FGD2: variants seen among roughly 807,000 people sequenced by gnomAD.
FGD2 encodes FYVE, RhoGEF and PH domain containing 2.
FGD2 carries 52 observed loss-of-function variants against 75.9 expected under a neutral mutation model. The ratio of observed to expected loss-of-function variants is 0.69; its 90% CI spans 0.55 to 0.86. FGD2 has a LOEUF of 0.86. Ranked by LOEUF, FGD2 falls within the 40% of genes least tolerant of loss-of-function variation. The probability of loss-of-function intolerance (pLI) is 0.00; values close to 1 mark genes in which losing one functional copy is unlikely to be tolerated. For synonymous variants in FGD2, 347 were observed against 348.6 expected (o/e 1.00, Z 0.05); for missense variants, 790 against 872.0 (o/e 0.91, Z 1.18).
Position 37,011,798 on chromosome 6 carries a change from C to G in FGD2, c.471C>G (p.Ile157Met). The G allele has an allele frequency of 6.2e-7, 1 of 1,614,194 alleles. No homozygotes were observed. The highest frequency in any genetic ancestry group is 8.5e-7 in the Non-Finnish European group (1 of 1,180,018). Residue 157 changes from isoleucine to methionine, a missense_variant, in exon 4 of 16, where the codon ATC (isoleucine) becomes ATG (methionine). Transcript: ENST00000274963. ...TCATCTTCTCCAACATCTCCTCCAT[C>G]TATCAGTTCCATTCTCAGTTCTTCC... Reference protein sequence around the residue: ...VRVIFSNISSIYQFHSQFFLP... With the variant: ...VRVIFSNISSMYQFHSQFFLP...
intron 4 of FGD2, 87 bp from the exon 5 acceptor site, chr6:37,013,522 G>T: frequency 6.5e-7 from 1 of 1,529,374 alleles, no homozygotes; most frequent in Non-Finnish European, 8.8e-7. Context: ...TGCTTTGGGG[G>T]ATTCAGGGAG....
chr6:37,012,783 A>G (rs1305216883), intron 4 of FGD2, among the ~76,000 whole-genome samples: 3 of 151,308 alleles, frequency 2.0e-5, no homozygotes, highest in African/African-American at 4.9e-5. Context: ...CATCATTCCA[A>G]TTTTTTTCAA....
At chr6:37,010,038 G>A (rs1583293277) in intron 2 of FGD2, 1 of 151,586 alleles carries the variant, frequency 6.6e-6, no homozygotes, top group Non-Finnish European at 1.5e-5. Context: ...AAAATGTAGG[G>A]GCTGAATGTA....
chr6:37,026,467 C>T (rs1173933563), intron 14 of FGD2: 1 of 953,212 alleles, frequency 1.0e-6, no homozygotes, highest in African/African-American at 1.8e-5. Flanking sequence ...ATCTCAGTCA[C>T]AGATGTTCTT....
chr6:37,014,176 A>T, intron 6 of FGD2, 76 bp downstream of exon 6: 1 of 1,524,354 alleles, frequency 6.6e-7, no homozygotes, highest in Admixed American at 2.2e-5. Context: ...GCTCCTGCTA[A>T]AATGGTTTTG....
Position 37,028,228 on chromosome 6 carries a change from ACCCTGTGG to A in FGD2, c.*68_*75del, listed in dbSNP as rs146396061. ...TGAACCCAGCTCCTGCCACAGACTG[ACCCTGTGG>A]CCTCAGTGACCCACTGCCCCAAGTG... On this transcript the variant is annotated 3_prime_UTR_variant, in exon 16 of 16. Transcript: ENST00000274963. 2,183 of 1,423,240 alleles carry A rather than the reference ACCCTGTGG, an allele frequency of 1.5e-3. 25 individuals carry two copies. The African/African-American group carries it at 0.028, about 18-fold the overall frequency. The allele number at this position is 1,423,240 out of a possible 1,614,324, so 88.2% of individuals were successfully genotyped here. A position where few individuals can be genotyped will look rare whatever the true frequency, so the allele number is the denominator to read the frequency against.
Position 37,027,388 on chromosome 6 carries a change from C to G in FGD2, c.1606-41C>G, listed in dbSNP as rs142515061. The G allele has an allele frequency of 3.8e-6, 6 of 1,569,682 alleles. No individual in the cohort carries two copies. In the African/African-American group the frequency reaches 8.1e-5, roughly 21 times the overall value. ...CCCCCAGACCAACATCTGGCACTTG[C>G]GGCTGCTCTGCTCCCTGACAGTCCC... is the stretch of plus-strand genomic sequence containing the variant. On this transcript the variant is annotated intron_variant, in intron 14 of 15. Coordinates refer to ENST00000274963, the MANE Select transcript of FGD2 (RefSeq NM_173558.4).
chr6:37,021,533 C>CA lies in FGD2; in HGVS notation c.1258dup (p.Ile420AsnfsTer6), dbSNP rs1561939319. 6.2e-7 allele frequency: 1 copy of CA among 1,613,866 alleles called. No individual in the cohort carries two copies. Among genetic ancestry groups the CA allele is most frequent in the African/African-American group, 1.3e-5 (1 of 75,036 alleles). Reference sequence around the variant, plus strand: ...CCAGGCCTTCCAAGCAGCCATTGACCAAATCGAGAAGCGGAATGAAACCTT... The same window carrying CA: ...CCAGGCCTTCCAAGCAGCCATTGACCAAAATCGAGAAGCGGAATGAAACCTT... On this transcript the variant is annotated frameshift_variant, in exon 12 of 16. Coordinates refer to ENST00000274963, the MANE Select transcript of FGD2 (RefSeq NM_173558.4). LOFTEE classifies it high-confidence loss of function.
chr6:37,015,998 G>A (rs746946235), intron 9 of FGD2, 138 bp downstream of exon 9: 12 of 779,330 alleles, frequency 1.5e-5, no homozygotes, highest in Non-Finnish European at 2.5e-5. Context: ...AGATGGAAGA[G>A]TGTGGGGCTC....
intron 1 of FGD2, among the ~76,000 whole-genome samples, chr6:37,007,831 G>T (rs1351267221): frequency 6.6e-6 from 1 of 152,222 alleles, no homozygotes; most frequent in Non-Finnish European, 1.5e-5. Flanking sequence ...GTGCCAGGGA[G>T]GGGTGGGAGA....
At chr6:37,021,682 C>A in intron 12 of FGD2, 78 bp downstream of exon 12, 1 of 1,290,640 alleles carries the variant, frequency 7.7e-7, no homozygotes, top group Non-Finnish European at 1.1e-6. Flanking sequence ...CTGCCTATAC[C>A]AGCTCAGAGG....
chr6:37,026,084 C>CCCACAGACCCCAGGCCTCTCG, intron 14 of FGD2, 146 bp downstream of exon 14: 1 of 1,459,082 alleles, frequency 6.9e-7, no homozygotes, highest in East Asian at 2.5e-5. Context: ...CCTCTCTCTG[C>CCCACAGACCCCAGGCCTCTCG]CCACAGACCC....
chr6:37,013,548 C>T (rs1583299989), intron 4 of FGD2, 61 bp from the exon 5 acceptor site: 2 of 1,569,438 alleles, frequency 1.3e-6, no homozygotes, highest in African/African-American at 2.7e-5. Flanking sequence ...CCTCACCTGG[C>T]CCTATCTAGA....
chr6:37,014,938 A>C lies in FGD2; in HGVS notation c.929A>C (p.Glu310Ala). The C allele has an allele frequency of 1.9e-6, 3 of 1,614,128 alleles. No homozygotes were observed. Among genetic ancestry groups the C allele is most frequent in the South Asian group, 2.2e-5 (2 of 91,082 alleles). ...GAGGTGTACCAGCGCCTGGGCCTCGAGGACGACATAGTAGACCCCTCTAAC... is the reference window on the plus strand; with the variant it reads ...GAGGTGTACCAGCGCCTGGGCCTCGCGGACGACATAGTAGACCCCTCTAAC... ...LWEVYQRLGL[E>A]DDIVDPSNTL... is the part of the protein sequence containing the mutation. Residue 310 changes from glutamate (E) to alanine (A), a missense_variant, in exon 8 of 16, where the codon GAG becomes GCG. By Grantham distance (107) the Glu-to-Ala change is moderately radical. Coordinates refer to ENST00000274963, the MANE Select transcript of FGD2 (RefSeq NM_173558.4).
chr6:37,020,040 A>G (rs539377368), intron 9 of FGD2, among the ~76,000 whole-genome samples: 1 of 151,960 alleles, frequency 6.6e-6, no homozygotes, highest in South Asian at 2.1e-4. Flanking sequence ...TTTAGAAGAG[A>G]TGGGTTTCAC....
At chr6:37,026,068 C>T (rs1765809546) in intron 14 of FGD2, 130 bp downstream of exon 14, 3 of 1,468,442 alleles carry the variant, frequency 2.0e-6, no homozygotes, top group Non-Finnish European at 2.7e-6. Flanking sequence ...CCCCCCTCTC[C>T]CTCTTCCTCT....
chr6:37,007,997 C>T (rs1340076064), intron 1 of FGD2, among the ~76,000 whole-genome samples: 1 of 152,208 alleles, frequency 6.6e-6, no homozygotes, highest in Non-Finnish European at 1.5e-5. Context: ...GAAGCAGTCG[C>T]CTGATTTGAA....
chr6:37,014,110 C>T lies in FGD2; in HGVS notation c.823+10C>T, dbSNP rs780931556. On this transcript the variant is annotated intron_variant, in intron 6 of 15. Transcript: ENST00000274963. ...CAGGCCGATGCCCAGAGTGAGGACA[C>T]CCCCAGGGGTCCCAGGGGGCTGAGG... The T allele has an allele frequency of 7.6e-5, 122 of 1,612,358 alleles. 1 individual carries two copies. The highest frequency in any genetic ancestry group is 1.0e-4 in the Non-Finnish European group (119 of 1,179,262).
intron 14 of FGD2, among the ~76,000 whole-genome samples, chr6:37,026,875 G>T (rs984989746): frequency 6.6e-6 from 1 of 151,966 alleles, no homozygotes; most frequent in Non-Finnish European, 1.5e-5. Context: ...GGGCATGGTG[G>T]TGCATGCCTG....
Sources: gnomAD v4.1 joint callset for allele counts (sites outside exome capture counted in the v4.1 genomes callset) on GRCh38, gnomAD v4.1.1 for gene constraint, MANE v1.5 for transcripts, NCBI Gene and HGNC (gene_info 2026-07-23, HGNC 2026-07-21) for gene names.